LIPC: variants seen among roughly 807,000 people sequenced by gnomAD.
LIPC encodes hepatic triacylglycerol lipase.
A neutral mutation model predicts 50.7 loss-of-function variants in LIPC; 44 were observed. The ratio of observed to expected loss-of-function variants is 0.87; its 90% CI spans 0.68 to 1.11. The LOEUF is 1.11. LIPC is among the 50% of genes most tolerant of loss of function. The pLI is 0.00. For synonymous variants in LIPC, 271 were observed against 256.4 expected (o/e 1.06, Z -0.54); for missense variants, 697 against 648.2 (o/e 1.08, Z -0.82).
chr15:58,495,799 G>A (rs1037272463), intron 1 of LIPC, among the ~76,000 whole-genome samples: 3 of 152,176 alleles, frequency 2.0e-5, no homozygotes, highest in Non-Finnish European at 2.9e-5. Flanking sequence ...TTTACACACA[G>A]TCAGCATCTA....
intron 1 of LIPC, among the ~76,000 whole-genome samples, chr15:58,453,429 G>A (rs1345111848): frequency 6.6e-6 from 1 of 152,130 alleles, no homozygotes; most frequent in Non-Finnish European, 1.5e-5. Context: ...GAACTCTAGA[G>A]ACTAACAATG....
intron 1 of LIPC, among the ~76,000 whole-genome samples, chr15:58,536,885 A>C (rs1595930053): frequency 6.6e-6 from 1 of 152,008 alleles, no homozygotes; most frequent in Non-Finnish European, 1.5e-5. Context: ...TTTCATTAAC[A>C]CCTCCCCTTG....
Position 58,555,443 on chromosome 15 carries a change from C to T in LIPC, c.1052-5421C>T, listed in dbSNP as rs144681617. Among the ~76,000 whole-genome samples the T allele has an allele frequency of 2.7e-3, 413 of 152,238 alleles. 4 individuals are homozygous for T. Among genetic ancestry groups the T allele is most frequent in the Middle Eastern group, 0.01 (3 of 294 alleles). The stretch of plus-strand genomic sequence containing the variant: ...TCAGGGGCTGTTGGCCATTTGCTTT[C>T]AAGGGACAGACTCAGCTTGCAGAAC... On this transcript the variant is annotated intron_variant, in intron 6 of 8. Transcript: ENST00000299022.
intron 1 of LIPC, among the ~76,000 whole-genome samples, chr15:58,473,170 G>A (rs1455661962): frequency 6.6e-6 from 1 of 152,008 alleles, no homozygotes; most frequent in Non-Finnish European, 1.5e-5. Context: ...GGCTGCTGGG[G>A]GCCTGTGTTT....
intron 1 of LIPC, among the ~76,000 whole-genome samples, chr15:58,531,634 A>AAAAC (rs753314996): frequency 3.3e-5 from 5 of 150,844 alleles, no homozygotes; most frequent in Admixed American, 1.3e-4. Context: ...CTCAAAAAAA[A>AAAAC]AAAAAAAAAA....
At chr15:58,555,431 G>A (rs1465477431) in intron 6 of LIPC, among the ~76,000 whole-genome samples, 1 of 152,126 alleles carries the variant, frequency 6.6e-6, no homozygotes, top group Non-Finnish European at 1.5e-5. Context: ...GGGGCTGTTG[G>A]CCATTTGCTT....
At chr15:58,466,053 C>G (rs1460459182) in intron 1 of LIPC, among the ~76,000 whole-genome samples, 1 of 152,202 alleles carries the variant, frequency 6.6e-6, no homozygotes, top group Admixed American at 6.5e-5. Flanking sequence ...GGGCTGTCAT[C>G]ATTATGCCTG....
chr15:58,506,562 C>T (rs1176792537), intron 1 of LIPC, among the ~76,000 whole-genome samples: 1 of 152,212 alleles, frequency 6.6e-6, no homozygotes, highest in African/African-American at 2.4e-5. Flanking sequence ...AATTCCAAAC[C>T]CAGAGCCCTA....
At chr15:58,541,346 G>A (rs1345471844) in intron 2 of LIPC, among the ~76,000 whole-genome samples, 1 of 152,008 alleles carries the variant, frequency 6.6e-6, no homozygotes, top group Non-Finnish European at 1.5e-5. Context: ...GGTGAGGTGG[G>A]GCAGCTGCAC....
intron 1 of LIPC, among the ~76,000 whole-genome samples, chr15:58,497,063 G>T (rs549156983): frequency 6.6e-6 from 1 of 152,322 alleles, no homozygotes; most frequent in African/African-American, 2.4e-5. Context: ...AAAGTAACTG[G>T]TTCCTTGGAG....
At chr15:58,469,412 G>T (rs1028178474) in intron 1 of LIPC, among the ~76,000 whole-genome samples, 15 of 152,182 alleles carry the variant, frequency 9.9e-5, no homozygotes, top group African/African-American at 3.6e-4. Flanking sequence ...GAGCACAAAG[G>T]AAGAAAATCA....
At chr15:58,491,312 G>A (rs1055692284) in intron 1 of LIPC, among the ~76,000 whole-genome samples, 5 of 152,188 alleles carry the variant, frequency 3.3e-5, no homozygotes, top group African/African-American at 1.2e-4. Context: ...CAAGCAGACA[G>A]CAGCAGGCTT....
intron 1 of LIPC, among the ~76,000 whole-genome samples, chr15:58,535,326 A>C (rs1352316747): frequency 1.3e-5 from 2 of 152,240 alleles, no homozygotes; most frequent in Admixed American, 6.5e-5. Flanking sequence ...ATGCTTAATA[A>C]GTGTTTGTTG....
At chr15:58,565,430 G>A (rs548624310) in intron 8 of LIPC, 39 of 1,430,410 alleles carry the variant, frequency 2.7e-5, no homozygotes, top group African/African-American at 8.6e-5. Flanking sequence ...CATGTGGTAC[G>A]GAAGAAGAAA....
rs1027678706 is a variant in LIPC at position 58,503,331 on chromosome 15, T to G, written c.89-35002T>G. ...GTCACTGGATTTGCCTGTTGTGCATTCAGAGGCTGGAGAAGGAGTGGAGGG... is the reference window on the plus strand; with the variant it reads ...GTCACTGGATTTGCCTGTTGTGCATGCAGAGGCTGGAGAAGGAGTGGAGGG... On this transcript the variant is annotated intron_variant, in intron 1 of 8. Transcript: ENST00000299022. Among the ~76,000 whole-genome samples the G allele has an allele frequency of 9.9e-5, 15 of 152,130 alleles. No homozygotes were observed. The South Asian group carries it at 1.7e-3, about 17-fold the overall frequency.
chr15:58,552,875 G>C (rs1893813872), intron 6 of LIPC, among the ~76,000 whole-genome samples: 1 of 152,208 alleles, frequency 6.6e-6, no homozygotes, highest in Admixed American at 6.5e-5. Context: ...GGGCACCAAG[G>C]AAGAGGTGTG....
At chr15:58,454,609 G>A (rs1894041526) in intron 1 of LIPC, 1 of 152,238 alleles carries the variant, frequency 6.6e-6, no homozygotes, top group Non-Finnish European at 1.5e-5. Context: ...CTCCCACATG[G>A]TGACCACAGT....
At chr15:58,547,874 T>C (rs1405305500) in intron 5 of LIPC, among the ~76,000 whole-genome samples, 2 of 152,118 alleles carry the variant, frequency 1.3e-5, no homozygotes, top group African/African-American at 4.8e-5. Flanking sequence ...GTGTATCTAG[T>C]TATATTAAGA....
intron 1 of LIPC, among the ~76,000 whole-genome samples, chr15:58,530,468 C>T (rs916975229): frequency 6.6e-6 from 1 of 152,246 alleles, no homozygotes; most frequent in Non-Finnish European, 1.5e-5. Context: ...CAAGTAACTA[C>T]CACAGAAGGC....
Sources: allele counts gnomAD v4.1 joint callset (sites outside exome capture counted in the v4.1 genomes callset), GRCh38; gene constraint gnomAD v4.1.1; transcripts MANE v1.5; gene names NCBI Gene and HGNC (gene_info 2026-07-23, HGNC 2026-07-21).